Variants in NRXN3 observed in about 807,000 individuals in gnomAD.
NRXN3 encodes neurexin III.
NRXN3 carries 32 observed loss-of-function variants against 137.6 expected under a neutral mutation model. The observed-to-expected ratio is 0.23, with a 90% CI of 0.18 to 0.31. The LOEUF (loss-of-function observed/expected upper bound fraction) is 0.31. Among genes scored for constraint, NRXN3 ranks in the 10% least tolerant of loss-of-function variants. The pLI, the probability that NRXN3 is intolerant of heterozygous loss-of-function variation, is 1.00. For synonymous variants in NRXN3, 798 were observed against 784.5 expected, an observed-to-expected ratio of 1.02 and a Z score of -0.29; for missense variants, 1,574 against 2,062.5, an observed-to-expected ratio of 0.76 and a Z score of 4.59.
At chr14:79,545,731 T>G (rs1331901628) in intron 16 of NRXN3, among the ~76,000 whole-genome samples, 2 of 151,910 alleles carry the variant, frequency 1.3e-5, no homozygotes, top group Non-Finnish European at 2.9e-5. Context: ...ATGTAATATA[T>G]AGCCTCTTCC....
intron 4 of NRXN3, among the ~76,000 whole-genome samples, chr14:78,521,702 T>G (rs2096286626): frequency 6.6e-6 from 1 of 152,144 alleles, no homozygotes; most frequent in Non-Finnish European, 1.5e-5. Flanking sequence ...TTTCAGTGAA[T>G]GGTTTATAAT....
intron 4 of NRXN3, among the ~76,000 whole-genome samples, chr14:78,523,538 G>T (rs563007332): frequency 6.6e-6 from 1 of 150,868 alleles, no homozygotes; most frequent in East Asian, 2.0e-4. Flanking sequence ...GGTGGCTCAC[G>T]CCTGTAATCC....
intron 19 of NRXN3, among the ~76,000 whole-genome samples, chr14:79,703,473 A>G (rs2154034898): frequency 6.6e-6 from 1 of 152,254 alleles, no homozygotes; most frequent in African/African-American, 2.4e-5. Flanking sequence ...GCTTAGCTGT[A>G]TGTATAAGTC....
intron 4 of NRXN3, among the ~76,000 whole-genome samples, chr14:78,304,203 G>C (rs1006997749): frequency 6.6e-6 from 1 of 152,156 alleles, no homozygotes; most frequent in Admixed American, 6.5e-5. Flanking sequence ...TCCTCACTAA[G>C]GCCTTCTCTT....
At chr14:78,413,542 A>G (rs1598391127) in intron 4 of NRXN3, among the ~76,000 whole-genome samples, 1 of 152,068 alleles carries the variant, frequency 6.6e-6, no homozygotes, top group Non-Finnish European at 1.5e-5. Flanking sequence ...GAGGCCTCCC[A>G]AATTGCTGGG....
At chr14:79,162,727 A>C (rs2060911155) in intron 15 of NRXN3, among the ~76,000 whole-genome samples, 2 of 152,022 alleles carry the variant, frequency 1.3e-5, no homozygotes, top group Admixed American at 1.3e-4. Context: ...GTGGAGAAAT[A>C]GTTTACTTAT....
chr14:79,021,635 A>C (rs954774639), intron 15 of NRXN3, among the ~76,000 whole-genome samples: 1 of 152,114 alleles, frequency 6.6e-6, no homozygotes, highest in African/African-American at 2.4e-5. Flanking sequence ...CTCTAATACT[A>C]GATTGAATGT....
intron 16 of NRXN3, among the ~76,000 whole-genome samples, chr14:79,570,860 C>T (rs1182085913): frequency 6.6e-6 from 1 of 152,122 alleles, no homozygotes; most frequent in African/African-American, 2.4e-5. Flanking sequence ...CTCATATCAC[C>T]TTTCCTAGGC....
At chr14:79,447,517 G>A (rs1326302746) in intron 15 of NRXN3, among the ~76,000 whole-genome samples, 4 of 152,034 alleles carry the variant, frequency 2.6e-5, no homozygotes, top group African/African-American at 9.7e-5. Context: ...ATCCTACCAG[G>A]GTCCAAAATT....
chr14:79,080,399 C>T (rs992306404), intron 15 of NRXN3, among the ~76,000 whole-genome samples: 5 of 152,108 alleles, frequency 3.3e-5, no homozygotes, highest in Non-Finnish European at 7.4e-5. Flanking sequence ...ACTAGAGTTA[C>T]CAAGTAGAAT....
intron 15 of NRXN3, among the ~76,000 whole-genome samples, chr14:79,387,033 T>A (rs1358211787): frequency 2.6e-5 from 4 of 152,076 alleles, no homozygotes; most frequent in Non-Finnish European, 5.9e-5. Context: ...ATTCAGGACA[T>A]AGGCATGGGC....
chr14:78,972,122 A>G (rs1392562317), intron 14 of NRXN3, among the ~76,000 whole-genome samples: 1 of 152,172 alleles, frequency 6.6e-6, no homozygotes, highest in East Asian at 1.9e-4. Context: ...AAAAAAAATC[A>G]TACCTGATTT....
chr14:79,053,513 A>T (rs1421476671), intron 15 of NRXN3, among the ~76,000 whole-genome samples: 4 of 152,142 alleles, frequency 2.6e-5, no homozygotes, highest in Non-Finnish European at 5.9e-5. Flanking sequence ...GGTCAAAAGA[A>T]AGGTTGTTAG....
At chr14:79,670,553 A>G (rs1038141626) in intron 17 of NRXN3, among the ~76,000 whole-genome samples, 1 of 152,114 alleles carries the variant, frequency 6.6e-6, no homozygotes, top group Non-Finnish European at 1.5e-5. Flanking sequence ...GACACTTCAC[A>G]AAAAAAGAAA....
chr14:78,583,455 T>G (rs957203440), intron 4 of NRXN3, among the ~76,000 whole-genome samples: 6 of 151,758 alleles, frequency 4.0e-5, no homozygotes, highest in African/African-American at 1.4e-4. Flanking sequence ...CAAAAAGTAT[T>G]GCCAGTTCCC....
chr14:78,776,206 A>G (rs1040298849), intron 8 of NRXN3, among the ~76,000 whole-genome samples: 12 of 152,244 alleles, frequency 7.9e-5, no homozygotes, highest in Non-Finnish European at 1.0e-4. Flanking sequence ...CTATATTATT[A>G]AACTGTGCCA....
intron 15 of NRXN3, among the ~76,000 whole-genome samples, chr14:79,299,796 A>T (rs1326611456): frequency 6.6e-6 from 1 of 152,054 alleles, no homozygotes; most frequent in East Asian, 1.9e-4. Context: ...AAGTATAGGG[A>T]CTTAACCAGG....
At chr14:79,435,922 C>T (rs903252223) in intron 15 of NRXN3, among the ~76,000 whole-genome samples, 2 of 152,082 alleles carry the variant, frequency 1.3e-5, no homozygotes, top group Non-Finnish European at 2.9e-5. Flanking sequence ...GCACGAACCA[C>T]CACACTTGGC....
chr14:79,229,991 A>G (rs904720474), intron 15 of NRXN3, among the ~76,000 whole-genome samples: 1 of 152,126 alleles, frequency 6.6e-6, no homozygotes, highest in Non-Finnish European at 1.5e-5. Flanking sequence ...TTAGTAGAGA[A>G]TGATCCTGTT....
Sources: allele counts gnomAD v4.1 joint callset (sites outside exome capture counted in the v4.1 genomes callset), GRCh38; gene constraint gnomAD v4.1.1; transcripts MANE v1.5; gene names NCBI Gene and HGNC (gene_info 2026-07-23, HGNC 2026-07-21).